Variants in NPSR1 observed in about 807,000 individuals in gnomAD.
The protein encoded by NPSR1 is neuropeptide S receptor 1.
Under a neutral mutation model 46.9 loss-of-function variants are expected in NPSR1, and 48 were observed. The ratio of observed to expected loss-of-function variants is 1.02; its 90% confidence interval spans 0.81 to 1.30. The LOEUF (loss-of-function observed/expected upper bound fraction) is 1.30. Ranked by LOEUF, NPSR1 falls within the 50% of genes most tolerant of loss-of-function variation. NPSR1 has a pLI of 0.00. For synonymous variants in NPSR1, 176 were observed against 168.1 expected (o/e 1.05, Z -0.36); for missense variants, 450 against 449.5 (o/e 1.00, Z -0.01).
chr7:34,788,368 G>A (rs1041060380), intron 3 of NPSR1, among the ~76,000 whole-genome samples: 2 of 151,458 alleles, frequency 1.3e-5, no homozygotes, highest in African/African-American at 4.9e-5. Context: ...AACACACAAA[G>A]CAGAAAGAGT....
At chr7:34,669,921 C>T (rs575835176) in intron 1 of NPSR1, among the ~76,000 whole-genome samples, 3 of 152,238 alleles carry the variant, frequency 2.0e-5, no homozygotes, top group South Asian at 2.1e-4. Context: ...AACTGGAAAG[C>T]GCTATTCGAA....
chr7:34,834,197 C>T (rs1326772866), intron 5 of NPSR1, 187 bp from the exon 6 acceptor site: 6 of 590,206 alleles, frequency 1.0e-5, no homozygotes, highest in Non-Finnish European at 1.5e-5. Context: ...AGAAGTAACT[C>T]CATCCAGTGG....
At chr7:34,698,499 T>C (rs1793650605) in intron 2 of NPSR1, among the ~76,000 whole-genome samples, 1 of 152,150 alleles carries the variant, frequency 6.6e-6, no homozygotes, top group South Asian at 2.1e-4. Flanking sequence ...CTAAAGACAT[T>C]AAAATCAATT....
intron 7 of NPSR1, among the ~76,000 whole-genome samples, chr7:34,847,413 A>G (rs907779418): frequency 6.6e-6 from 1 of 151,972 alleles, no homozygotes; most frequent in African/African-American, 2.4e-5. Flanking sequence ...AGAGAGAGAG[A>G]GAGAGAGGTT....
chr7:34,812,317 T>C (rs982170615), intron 4 of NPSR1, among the ~76,000 whole-genome samples: 2 of 152,006 alleles, frequency 1.3e-5, no homozygotes, highest in African/African-American at 2.4e-5. Context: ...TAATTGATCA[T>C]CGTATTGGGA....
At chr7:34,810,898 C>A (rs1788949360) in intron 3 of NPSR1, among the ~76,000 whole-genome samples, 1 of 152,152 alleles carries the variant, frequency 6.6e-6, no homozygotes, top group Admixed American at 6.5e-5. Context: ...GGAGAGTTCC[C>A]TGGTCCATCC....
intron 3 of NPSR1, among the ~76,000 whole-genome samples, chr7:34,794,701 T>C (rs1443324790): frequency 2.0e-5 from 3 of 152,070 alleles, no homozygotes; most frequent in African/African-American, 7.2e-5. Context: ...AGGTCAGCAT[T>C]ACACTAATAC....
chr7:34,690,987 A>C (rs540625834), intron 2 of NPSR1, among the ~76,000 whole-genome samples: 97 of 152,172 alleles, frequency 6.4e-4, no homozygotes, highest in Non-Finnish European at 9.4e-4. Flanking sequence ...AGAAGTGTCT[A>C]ATCACCTATA....
At position 34,858,002 on chromosome 7, in the gene NPSR1, T is replaced by C. The variant is rs939007289; in HGVS notation, c.1025+9339T>C. Among the ~76,000 whole-genome samples, 38 of 151,784 alleles carry C rather than the reference T, an allele frequency of 2.5e-4. 2 individuals are homozygous for C. Among genetic ancestry groups the C allele is most frequent in the Non-Finnish European group, 2.9e-5 (2 of 68,010 alleles). On this transcript the variant is annotated intron_variant, in intron 8 of 8. Transcript: ENST00000359791. ...AAATTAAATCACAATGATATATGAG[T>C]ATGCATATTGGCCTAACTTAAAACC...
intron 2 of NPSR1, among the ~76,000 whole-genome samples, chr7:34,724,979 T>C (rs17777219): frequency 0.016 from 2,482 of 152,054 alleles, 38 homozygotes; most frequent in Admixed American, 0.049. Context: ...TCAACGGTAA[T>C]AGACAGCAAA....
At chr7:34,739,430 T>A (rs1379269153) in intron 2 of NPSR1, among the ~76,000 whole-genome samples, 1 of 152,230 alleles carries the variant, frequency 6.6e-6, no homozygotes, top group East Asian at 1.9e-4. Flanking sequence ...ATTATAATCA[T>A]CCTAGTGGCT....
In NPSR1 at chr7:34,848,596, G is replaced by T. The variant is rs745906142; in HGVS notation, c.958G>T (p.Ala320Ser). The change falls in exon 8 of 9, where the codon GCA becomes TCA. Residue 320 changes from alanine to serine, a missense_variant. By Grantham distance (99) the Ala-to-Ser change is moderately conservative (BLOSUM62 1). Coordinates refer to ENST00000360581, the MANE Select transcript of NPSR1 (RefSeq NM_207172.2). ...YASVIIQNLP[A>S]LNSAINPLIY... ...CTCTGTGATCATTCAGAACCTGCCA[G>T]CATTGAATAGTGCCATCAACCCCCT... The T allele has an allele frequency of 3.1e-6, 5 of 1,614,178 alleles. No homozygotes were observed. In the Admixed American group the frequency reaches 8.3e-5, roughly 27 times the overall value.
At chr7:34,711,448 A>G (rs1223755054) in intron 2 of NPSR1, 1 of 152,296 alleles carries the variant, frequency 6.6e-6, no homozygotes, top group Non-Finnish European at 1.5e-5. Flanking sequence ...AACAGGGAAG[A>G]CCAGATTAAT....
At chr7:34,765,580 C>T (rs1175581153) in intron 2 of NPSR1, among the ~76,000 whole-genome samples, 1 of 152,104 alleles carries the variant, frequency 6.6e-6, no homozygotes, top group African/African-American at 2.4e-5. Context: ...TATACCCAAA[C>T]AGAAGAAAAC....
intron 2 of NPSR1, among the ~76,000 whole-genome samples, chr7:34,761,403 C>A (rs918983849): frequency 6.6e-6 from 1 of 152,202 alleles, no homozygotes; most frequent in Non-Finnish European, 1.5e-5. Flanking sequence ...CCTGAGGAAT[C>A]TAACAGCTGG....
intron 3 of NPSR1, among the ~76,000 whole-genome samples, chr7:34,801,484 T>C (rs1167183982): frequency 2.7e-5 from 3 of 110,424 alleles, no homozygotes; most frequent in South Asian, 3.4e-4. Context: ...ATTATCTCAA[T>C]AGATGCAGAA....
intron 4 of NPSR1, among the ~76,000 whole-genome samples, chr7:34,819,127 T>C (rs56744191): frequency 0.16 from 24,820 of 151,962 alleles, 2,563 homozygotes; most frequent in African/African-American, 0.3. Flanking sequence ...TCAGAGTGAA[T>C]GGGCAGCCTA....
chr7:34,787,202 T>C (rs1038797554), intron 3 of NPSR1, among the ~76,000 whole-genome samples: 4 of 152,152 alleles, frequency 2.6e-5, no homozygotes, highest in African/African-American at 7.2e-5. Flanking sequence ...TTCTGTATTA[T>C]CACTTGATGC....
chr7:34,855,099 A>G (rs1315644074), intron 8 of NPSR1, among the ~76,000 whole-genome samples: 3 of 152,214 alleles, frequency 2.0e-5, no homozygotes, highest in Non-Finnish European at 4.4e-5. Flanking sequence ...TGTTAATGAA[A>G]GTATTATGTA....
Sources: gnomAD v4.1 joint callset for allele counts (sites outside exome capture counted in the v4.1 genomes callset) on GRCh38, gnomAD v4.1.1 for gene constraint, MANE v1.5 for transcripts, NCBI Gene and HGNC (gene_info 2026-07-23, HGNC 2026-07-21) for gene names.